Variants in MPP4 observed in about 807,000 individuals in gnomAD.
MPP4 encodes MAGUK p55 subfamily member 4.
In MPP4, 91 loss-of-function variants were observed where a neutral mutation model predicts 98.3. The ratio of observed to expected loss-of-function variants is 0.93; its 90% CI spans 0.78 to 1.10. MPP4 has a LOEUF of 1.10. MPP4 is among the 50% of genes least tolerant of loss of function. MPP4 has a pLI of 0.00. For synonymous variants in MPP4, 261 were observed against 271.8 expected, an observed-to-expected ratio of 0.96 and a Z score of 0.39; for missense variants, 744 against 792.9, an observed-to-expected ratio of 0.94 and a Z score of 0.74.
intron 8 of MPP4, among the ~76,000 whole-genome samples, chr2:201,682,465 G>T (rs1559015730): frequency 6.6e-6 from 1 of 152,152 alleles, no homozygotes; most frequent in Non-Finnish European, 1.5e-5. Context: ...GGGAAGGAGT[G>T]GTTTGCTTGG....
chr2:201,689,561 G>C (rs2105946933), intron 4 of MPP4, among the ~76,000 whole-genome samples: 1 of 152,194 alleles, frequency 6.6e-6, no homozygotes, highest in South Asian at 2.1e-4. Context: ...GTATGGGGTG[G>C]TGAGATCCTG....
intron 15 of MPP4, among the ~76,000 whole-genome samples, chr2:201,658,766 TA>T (rs1417553053): frequency 4.6e-5 from 7 of 151,254 alleles, no homozygotes; most frequent in Non-Finnish European, 8.8e-5. Context: ...CTAGTATGGT[TA>T]AAGCCAAAAC....
chr2:201,657,601 G>GTTTTTTTTTTTTTTTTTTTTT (rs1393900511), intron 16 of MPP4, among the ~76,000 whole-genome samples: 1 of 104,994 alleles, frequency 9.5e-6, no homozygotes, highest in African/African-American at 3.8e-5. Context: ...TTTTTTTTTT[G>GTTTTTTTTTTTTTTTTTTTTT]TTTTTTTGTT....
chr2:201,652,853 A>C (rs1687752472), intron 18 of MPP4, among the ~76,000 whole-genome samples: 1 of 152,224 alleles, frequency 6.6e-6, no homozygotes, highest in African/African-American at 2.4e-5. Flanking sequence ...GAAAGCAGGA[A>C]GGAAGGTTCT....
intron 6 of MPP4, 109 bp downstream of exon 6, chr2:201,685,810 T>C: frequency 7.6e-7 from 1 of 1,320,228 alleles, no homozygotes; most frequent in Non-Finnish European, 1.1e-6. Flanking sequence ...ATTATCACTG[T>C]ATATGTGATC....
In MPP4 at chr2:201,681,035, C is replaced by T. The variant is rs1185024749; in HGVS notation, c.733-1G>A. ...ACTCAGTCATGGCACGGACGTACAC[C>T]TGATGGCAGGTGCATAATGACGCTA... On this transcript the variant is annotated splice_acceptor_variant, in intron 9 of 21. Transcript: ENST00000409474. LOFTEE classifies it high-confidence loss of function. 5 of 1,607,228 alleles carry T rather than the reference C, an allele frequency of 3.1e-6. No individual in the cohort carries two copies. Among genetic ancestry groups the T allele is most frequent in the African/African-American group, 1.3e-5 (1 of 74,798 alleles).
intron 8 of MPP4, 65 bp from the exon 9 acceptor site, chr2:201,681,632 G>T: frequency 1.6e-6 from 2 of 1,258,812 alleles, no homozygotes; most frequent in Non-Finnish European, 1.2e-6. Flanking sequence ...GGGCTCGGTG[G>T]ACAGAGTTAC....
intron 10 of MPP4, among the ~76,000 whole-genome samples, chr2:201,679,143 T>C (rs1013806469): frequency 3.3e-5 from 5 of 152,204 alleles, no homozygotes; most frequent in East Asian, 1.9e-4. Context: ...CCATTGATCT[T>C]ACTTCCTTCT....
intron 21 of MPP4, among the ~76,000 whole-genome samples, chr2:201,647,355 C>CA (rs145420500): frequency 6.6e-6 from 1 of 150,982 alleles, no homozygotes; most frequent in African/African-American, 2.4e-5. Context: ...AAGCTAGACC[C>CA]AAAAAAATAA....
Position 201,654,868 on chromosome 2 carries a change from A to G in MPP4, c.1350T>C (p.Phe450=). ...VNELRRQLIE[F]NPSHFQSAVP... ...CAGCACTTTGAAAATGGCTGGGATT[A>G]AATTCAATAAGTTGTCTTCTGAGCT... The change falls in exon 18 of 22, where the codon TTT becomes TTC. Residue 450 remains phenylalanine, a synonymous_variant. Coordinates refer to ENST00000409474, the MANE Select transcript of MPP4 (RefSeq NM_033066.3). 6.2e-7 allele frequency: 1 copy of G among 1,605,316 alleles called. No homozygotes were observed. Among genetic ancestry groups the G allele is most frequent in the Admixed American group, 1.7e-5 (1 of 58,852 alleles).
At chr2:201,664,565 T>C (rs982921855) in intron 13 of MPP4, among the ~76,000 whole-genome samples, 1 of 152,130 alleles carries the variant, frequency 6.6e-6, no homozygotes, top group Non-Finnish European at 1.5e-5. Flanking sequence ...CTTGATTACG[T>C]AGGCTTGATC....
chr2:201,655,624 CAGT>C (rs1687827404), intron 17 of MPP4, among the ~76,000 whole-genome samples: 1 of 152,208 alleles, frequency 6.6e-6, no homozygotes, highest in Non-Finnish European at 1.5e-5. Flanking sequence ...GACACGAAGG[CAGT>C]AGGATACAAG....
intron 5 of MPP4, 58 bp from the exon 6 acceptor site, chr2:201,686,108 A>C: frequency 6.3e-7 from 1 of 1,587,112 alleles, no homozygotes; most frequent in Non-Finnish European, 8.6e-7. Flanking sequence ...ACCCCTCTAG[A>C]AGATAGTAAC....
chr2:201,647,385 A>G (rs1687594110), intron 21 of MPP4, among the ~76,000 whole-genome samples: 1 of 152,228 alleles, frequency 6.6e-6, no homozygotes, highest in Non-Finnish European at 1.5e-5. Flanking sequence ...AAATAAGGGT[A>G]GCATCATAAC....
At chr2:201,694,441 G>A (rs1208324024) in intron 1 of MPP4, among the ~76,000 whole-genome samples, 1 of 151,988 alleles carries the variant, frequency 6.6e-6, no homozygotes, top group Non-Finnish European at 1.5e-5. Context: ...CTTCATAGAA[G>A]AACTAGCTGG....
intron 5 of MPP4, among the ~76,000 whole-genome samples, chr2:201,686,973 G>T (rs966182308): frequency 2.6e-5 from 4 of 152,212 alleles, no homozygotes; most frequent in Non-Finnish European, 4.4e-5. Context: ...AAGCATGGAG[G>T]TATTCCTCTA....
At chr2:201,662,073 T>G (rs374354577) in intron 14 of MPP4, 14 of 384,698 alleles carry the variant, frequency 3.6e-5, no homozygotes, top group African/African-American at 2.8e-4. Flanking sequence ...CTCATCTGTC[T>G]CAATGCTTTC....
At chr2:201,671,756 TC>T (rs1312231292) in intron 11 of MPP4, among the ~76,000 whole-genome samples, 2 of 152,088 alleles carry the variant, frequency 1.3e-5, no homozygotes, top group East Asian at 3.9e-4. Context: ...TAAAGCAAGT[TC>T]TTAGAGACCT....
Position 201,681,503 on chromosome 2 carries a change from T to C in MPP4, c.725A>G (p.Gln242Arg), listed in dbSNP as rs1559015302. The change falls in exon 9 of 22, where the codon CAG becomes CGG. Residue 242 changes from glutamine (Q) to arginine (R), a missense_variant. Gln to Arg is a conservative substitution (Grantham distance 43, BLOSUM62 1). Transcript: ENST00000409474. ...VPVSDPPVNS[Q>R]QMVYVRAMTE... ...GGCTCAGTAAATTCTTACCATCTGC[T>C]GGCTATTCACAGGAGGGTCAGAGAC... 2 of 1,613,400 alleles carry C rather than the reference T, an allele frequency of 1.2e-6. No homozygotes were observed. The highest frequency in any genetic ancestry group is 8.5e-7 in the Non-Finnish European group (1 of 1,179,414).
Sources: allele counts gnomAD v4.1 joint callset (sites outside exome capture counted in the v4.1 genomes callset), GRCh38; gene constraint gnomAD v4.1.1; transcripts MANE v1.5; gene names NCBI Gene and HGNC (gene_info 2026-07-23, HGNC 2026-07-21).